Variants in ADAM9 observed in about 807,000 individuals in gnomAD.
ADAM9 encodes ADAM metallopeptidase domain 9.
In ADAM9, 54 loss-of-function variants were observed where a neutral mutation model predicts 108.1. The ratio of observed to expected loss-of-function variants is 0.50; its 90% CI spans 0.40 to 0.63. The LOEUF (loss-of-function observed/expected upper bound fraction) is 0.63, where lower values mean the gene tolerates loss of function less well. ADAM9 is among the 20% of genes least tolerant of loss of function. ADAM9 has a pLI of 0.00. For missense variants in ADAM9, 830 were observed against 997.7 expected, an observed-to-expected ratio of 0.83 and a Z score of 2.26; for synonymous variants, 316 against 336.0, an observed-to-expected ratio of 0.94 and a Z score of 0.65.
At chr8:39,079,028 CAG>C (rs1838937290) in intron 16 of ADAM9, among the ~76,000 whole-genome samples, 2 of 152,064 alleles carry the variant, frequency 1.3e-5, no homozygotes, top group South Asian at 2.1e-4. Context: ...TGAGAGAAAA[CAG>C]GGGAGGCTAA....
intron 20 of ADAM9, among the ~76,000 whole-genome samples, chr8:39,096,411 C>G (rs899853153): frequency 2.6e-5 from 4 of 152,038 alleles, no homozygotes; most frequent in African/African-American, 9.7e-5. Flanking sequence ...AAACTGATTA[C>G]TTCAATCACA....
chr8:39,078,579 C>G (rs997430767), intron 16 of ADAM9, among the ~76,000 whole-genome samples: 2 of 152,040 alleles, frequency 1.3e-5, no homozygotes, highest in Non-Finnish European at 2.9e-5. Context: ...GTCAGGAGTT[C>G]GAGACTAGCC....
intron 14 of ADAM9, among the ~76,000 whole-genome samples, chr8:39,062,258 A>C (rs759379494): frequency 2.6e-5 from 4 of 152,122 alleles, no homozygotes; most frequent in African/African-American, 4.8e-5. Flanking sequence ...TAATAGTATA[A>C]ATTTTTGGCA....
At chr8:39,000,646 G>T (rs1031404491) in intron 1 of ADAM9, among the ~76,000 whole-genome samples, 1 of 151,396 alleles carries the variant, frequency 6.6e-6, no homozygotes, top group South Asian at 2.1e-4. Context: ...CTTTTTTTGT[G>T]TGTGGAGAGG....
chr8:39,025,505 T>A (rs1254813087), intron 9 of ADAM9, among the ~76,000 whole-genome samples: 1 of 152,208 alleles, frequency 6.6e-6, no homozygotes, highest in African/African-American at 2.4e-5. Context: ...TATTTTAATA[T>A]ATAGTTAAAT....
chr8:39,023,185 G>A lies in ADAM9; in HGVS notation c.774G>A (p.Val258=), dbSNP rs1198721152. Residue 258 remains valine, a synonymous_variant, in exon 9 of 22, where the codon GTG becomes GTA. Coordinates refer to ENST00000487273, the MANE Select transcript of ADAM9 (RefSeq NM_003816.3). ...ATATTATGTTAAATATTCGAATTGT[G>A]CTAGTTGGACTGGAGATTTGGACCA... ...SMYIMLNIRI[V]LVGLEIWTNG... The A allele has an allele frequency of 1.2e-6, 2 of 1,613,162 alleles. No homozygotes were observed. The highest frequency in any genetic ancestry group is 1.7e-5 in the Admixed American group (1 of 59,970).
chr8:39,090,329 C>G, intron 19 of ADAM9, 141 bp downstream of exon 19: 1 of 672,684 alleles, frequency 1.5e-6, no homozygotes, highest in Non-Finnish European at 2.5e-6. Context: ...CACCACCACA[C>G]CCAGTTAATT....
At chr8:39,002,458 A>G (rs1836028575) in intron 1 of ADAM9, among the ~76,000 whole-genome samples, 1 of 151,546 alleles carries the variant, frequency 6.6e-6, no homozygotes, top group African/African-American at 2.4e-5. Context: ...AGCTGGGACT[A>G]CAGGCACGCA....
intron 20 of ADAM9, among the ~76,000 whole-genome samples, chr8:39,098,048 C>T (rs985134229): frequency 1.3e-5 from 2 of 152,072 alleles, no homozygotes; most frequent in South Asian, 2.1e-4. Context: ...GTTCCCTTAG[C>T]GAAGGTATTT....
chr8:39,101,846 T>A lies in ADAM9; in HGVS notation c.2299-17T>A. ...GAGCACATAGTGGTAATAACCTTATTTTTTTTTTCTTTTTAGCCTATATAT... is the reference window on the plus strand; with the variant it reads ...GAGCACATAGTGGTAATAACCTTATATTTTTTTTCTTTTTAGCCTATATAT... On this transcript the variant is annotated splice_polypyrimidine_tract_variant and intron_variant, in intron 20 of 21. Coordinates refer to ENST00000487273, the MANE Select transcript of ADAM9 (RefSeq NM_003816.3). The A allele has an allele frequency of 6.3e-7, 1 of 1,595,586 alleles. No individual in the cohort carries two copies. The highest frequency in any genetic ancestry group is 8.6e-7 in the Non-Finnish European group (1 of 1,164,512).
intron 6 of ADAM9, among the ~76,000 whole-genome samples, chr8:39,018,150 G>T (rs1255975854): frequency 2.6e-5 from 4 of 152,322 alleles, no homozygotes; most frequent in Admixed American, 1.3e-4. Context: ...AACTTCAGCT[G>T]CAGGGATTGT....
intron 18 of ADAM9, among the ~76,000 whole-genome samples, chr8:39,085,016 A>G (rs1308861990): frequency 1.3e-5 from 2 of 152,118 alleles, no homozygotes; most frequent in Admixed American, 6.5e-5. Context: ...CCAGATTCCT[A>G]TTAATTAGTC....
At chr8:39,078,191 G>C (rs1430338770) in intron 16 of ADAM9, among the ~76,000 whole-genome samples, 1 of 152,072 alleles carries the variant, frequency 6.6e-6, no homozygotes, top group African/African-American at 2.4e-5. Flanking sequence ...TTTACAAGAA[G>C]ATCCATATAT....
chr8:39,049,441 GTT>G (rs559508620), intron 12 of ADAM9, among the ~76,000 whole-genome samples: 10 of 134,792 alleles, frequency 7.4e-5, no homozygotes, highest in African/African-American at 8.1e-5. Context: ...ATTTTTTATA[GTT>G]TTTTTTTTTT....
intron 11 of ADAM9, among the ~76,000 whole-genome samples, chr8:39,041,047 A>G (rs1287951799): frequency 6.6e-6 from 1 of 152,212 alleles, no homozygotes. Flanking sequence ...CTTAACAATG[A>G]TTTTTGGATA....
In ADAM9 at chr8:39,006,564, G is replaced by A. The variant is rs75558170; in HGVS notation, c.98-1322G>A. Among the ~76,000 whole-genome samples the A allele has an allele frequency of 4.6e-3, 690 of 150,884 alleles. 14 individuals carry two copies. Among genetic ancestry groups the A allele is most frequent in the Non-Finnish European group, 7.6e-3 (512 of 67,688 alleles). ...GGTAAAAAGGTATCATAGTCATCTAGAGGTGAGGTTAGTAAGGGTTAAGCC... is the reference window on the plus strand; with the variant it reads ...GGTAAAAAGGTATCATAGTCATCTAAAGGTGAGGTTAGTAAGGGTTAAGCC... On this transcript the variant is annotated intron_variant, in intron 1 of 21. Coordinates refer to ENST00000487273, the MANE Select transcript of ADAM9 (RefSeq NM_003816.3).
At chr8:39,010,795 C>T (rs1836330289) in intron 2 of ADAM9, among the ~76,000 whole-genome samples, 1 of 152,028 alleles carries the variant, frequency 6.6e-6, no homozygotes, top group Non-Finnish European at 1.5e-5. Context: ...TTTTATGTAC[C>T]ACTAATAAAG....
chr8:39,048,574 T>A lies in ADAM9; in HGVS notation c.1303-5907T>A, dbSNP rs551078044. On this transcript the variant is annotated intron_variant, in intron 12 of 21. Transcript: ENST00000487273. The stretch of plus-strand genomic sequence containing the variant: ...ACTGTTGGGTAGAATGTTCTGTATA[T>A]GTCTATTAGTTTGATTTGGTCTGTA... Among the ~76,000 whole-genome samples, 13 of 152,278 alleles carry A rather than the reference T, an allele frequency of 8.5e-5. No homozygotes were observed. In the East Asian group the frequency reaches 9.6e-4, roughly 11 times the overall value.
chr8:39,042,384 G>A (rs1210446145), intron 12 of ADAM9, among the ~76,000 whole-genome samples: 1 of 152,008 alleles, frequency 6.6e-6, no homozygotes, highest in South Asian at 2.1e-4. Flanking sequence ...ATGATTTATG[G>A]TTATTAGCTT....
Sources: allele counts gnomAD v4.1 joint callset (sites outside exome capture counted in the v4.1 genomes callset), GRCh38; gene constraint gnomAD v4.1.1; transcripts MANE v1.5; gene names NCBI Gene and HGNC (gene_info 2026-07-23, HGNC 2026-07-21).